The following NYX variants were observed in gnomAD, a reference collection of about 807,000 sequenced individuals.
NYX encodes nyctalopin.
For missense variants in NYX, 481 were observed against 485.4 expected (o/e 0.99, Z 0.09); for synonymous variants, 258 against 245.7 (o/e 1.05, Z -0.47).
chrX:41,454,900 C>T (rs1184769955), intron 2 of NYX, among the ~76,000 whole-genome samples: 6 of 111,286 alleles, frequency 5.4e-5, no homozygotes, highest in African/African-American at 2.0e-4. Flanking sequence ...AGCCACTGCA[C>T]CTGGCCTCCA....
chrX:41,461,503 G>A (rs2064319850), intron 2 of NYX, among the ~76,000 whole-genome samples: 1 of 109,647 alleles, frequency 9.1e-6, no homozygotes, highest in Admixed American at 1.0e-4. Flanking sequence ...GTGCGTGCAA[G>A]GATCTTTTTC....
At chrX:41,470,824 C>T (rs1047947979) in intron 2 of NYX, among the ~76,000 whole-genome samples, 5 of 111,001 alleles carry the variant, frequency 4.5e-5, no homozygotes, top group African/African-American at 1.6e-4. Context: ...CAGTAGCCCA[C>T]GGGGCTAGTG....
intron 2 of NYX, among the ~76,000 whole-genome samples, chrX:41,469,062 G>A: frequency 9.0e-6 from 1 of 111,541 alleles, no homozygotes. Flanking sequence ...TTACAACTGA[G>A]GGGCTGTTCA....
At chrX:41,465,531 CTT>C (rs767156393) in intron 2 of NYX, among the ~76,000 whole-genome samples, 11 of 91,952 alleles carry the variant, frequency 1.2e-4, no homozygotes, top group Admixed American at 1.2e-4. Flanking sequence ...ACCTTGAACT[CTT>C]TTTTTTTTTT....
intron 2 of NYX, among the ~76,000 whole-genome samples, chrX:41,452,731 C>G (rs2064285291): frequency 1.8e-5 from 2 of 111,182 alleles, no homozygotes; most frequent in South Asian, 7.5e-4. Context: ...TACCAGCACA[C>G]CACCCCTCTG....
intron 2 of NYX, among the ~76,000 whole-genome samples, chrX:41,457,199 G>A (rs769410628): frequency 1.2e-4 from 13 of 109,191 alleles, no homozygotes; most frequent in East Asian, 5.8e-4. Flanking sequence ...CCAGCTACTC[G>A]GGAGGCTGAG....
chrX:41,475,189 T>G lies in NYX; in HGVS notation c.*290T>G. The G allele has an allele frequency of 2.7e-6, 1 of 370,484 alleles. No individual in the cohort carries two copies. The highest frequency in any genetic ancestry group is 4.7e-5 in the East Asian group (1 of 21,133). 30.5% of individuals were successfully genotyped at this position (370,484 alleles called of 1,213,427 possible). ...GGAAGCTTCTAGGGCTTCACATCCC[T>G]TCCCCTCCCCTCCCCTTCCCCTCAT... On this transcript the variant is annotated 3_prime_UTR_variant, in exon 3 of 3. Transcript: ENST00000378220.
In NYX at chrX:41,473,896, T is replaced by G; in HGVS notation, c.428T>G (p.Phe143Cys). 8.9e-7 allele frequency: 1 copy of G among 1,129,422 alleles called. No individual in the cohort carries two copies. The highest frequency in any genetic ancestry group is 2.0e-5 in the South Asian group (1 of 50,717). The allele number at this position is 1,129,422 out of a possible 1,213,427, so 93.1% of individuals were successfully genotyped here. A position where few individuals can be genotyped will look rare whatever the true frequency, so the allele number is the denominator to read the frequency against. The change falls in exon 3 of 3, where the codon TTC becomes TGC. Residue 143 changes from phenylalanine (F) to cysteine (C), a missense_variant. Coordinates refer to ENST00000378220, the MANE Select transcript of NYX (RefSeq NM_001378477.3). The part of the protein sequence containing the change: ...RRLDLAACRL[F>C]SVPERLLAEL... Reference sequence around the variant, plus strand: ...CTAGACCTAGCAGCCTGCCGCCTCTTCAGCGTGCCCGAGCGCCTCCTGGCC... The same window carrying G: ...CTAGACCTAGCAGCCTGCCGCCTCTGCAGCGTGCCCGAGCGCCTCCTGGCC...
At chrX:41,458,983 T>C (rs1323391369) in intron 2 of NYX, among the ~76,000 whole-genome samples, 7 of 109,042 alleles carry the variant, frequency 6.4e-5, no homozygotes, top group African/African-American at 2.0e-4. Context: ...CTTGGGAGGC[T>C]GAGGCAGGAG....
At chrX:41,470,727 A>G (rs937202087) in intron 2 of NYX, among the ~76,000 whole-genome samples, 1 of 107,398 alleles carries the variant, frequency 9.3e-6, no homozygotes, top group Non-Finnish European at 1.9e-5. Context: ...TTGATGCAGT[A>G]TTTTACTCTT....
At chrX:41,450,111 A>G (rs2064273395) in intron 2 of NYX, among the ~76,000 whole-genome samples, 1 of 111,718 alleles carries the variant, frequency 9.0e-6, no homozygotes, top group Non-Finnish European at 1.9e-5. Context: ...TCTCAGATGC[A>G]TAAGTGCAAA....
In NYX at chrX:41,475,398, C is replaced by T; in HGVS notation, c.*499C>T. ...CTAGGATTCAGGAAGGTAGGCAGGACGTGAGAGAAGGGAGATGGGAGAGAG... is the reference window on the plus strand; with the variant it reads ...CTAGGATTCAGGAAGGTAGGCAGGATGTGAGAGAAGGGAGATGGGAGAGAG... On this transcript the variant is annotated 3_prime_UTR_variant, in exon 3 of 3. Coordinates refer to ENST00000378220, the MANE Select transcript of NYX (RefSeq NM_001378477.3). 1 of 129,221 alleles carries T rather than the reference C, an allele frequency of 7.7e-6. No individual in the cohort carries two copies. Among genetic ancestry groups the T allele is most frequent in the Non-Finnish European group, 1.6e-5 (1 of 63,818 alleles). 10.6% of individuals were successfully genotyped at this position (129,221 alleles called of 1,213,427 possible). A position where few individuals can be genotyped will look rare whatever the true frequency, so the allele number is the denominator to read the frequency against.
In NYX at chrX:41,471,382, GATTA is replaced by G. The variant is rs773811225; in HGVS notation, c.23-2108_23-2105del. The stretch of plus-strand genomic sequence containing the variant: ...CCACCTCGGCCTCTCGAAGTGTTGG[GATTA>G]CAGGCGTGAGCCACCGCACCTGGCC... On this transcript the variant is annotated intron_variant, in intron 2 of 2. Transcript: ENST00000378220. 6.5e-3 allele frequency among the ~76,000 whole-genome samples: 726 copies of G among 112,055 alleles called. 5 individuals are homozygous for G. Among genetic ancestry groups the G allele is most frequent in the African/African-American group, 0.023 (708 of 30,870 alleles).
At chrX:41,469,075 G>C (rs2064350410) in intron 2 of NYX, among the ~76,000 whole-genome samples, 1 of 111,607 alleles carries the variant, frequency 9.0e-6, no homozygotes, top group Non-Finnish European at 1.9e-5. Context: ...GCTGTTCAAA[G>C]GCCTGAGTGC....
Position 41,473,502 on chromosome X carries a change from G to C in NYX, c.34G>C (p.Gly12Arg), listed in dbSNP as rs769075010. 1.0e-6 allele frequency: 1 copy of C among 982,004 alleles called. No homozygotes were observed. Among genetic ancestry groups the C allele is most frequent in the Non-Finnish European group, 1.3e-6 (1 of 781,770 alleles). The allele number at this position is 982,004 out of a possible 1,213,427, so 80.9% of individuals were successfully genotyped here. A position where few individuals can be genotyped will look rare whatever the true frequency, so the allele number is the denominator to read the frequency against. The part of the protein sequence containing the change: ...LVLLLHAVVL[G>R]LPSAWAVGAC... ...CCCTGTCCCCGCAGCGGTGGTCCTC[G>C]GCCTGCCCAGCGCCTGGGCCGTGGG... is the stretch of plus-strand genomic sequence containing the variant. Residue 12 changes from glycine to arginine, a missense_variant, in exon 3 of 3, where the codon GGC (glycine) becomes CGC (arginine). Physicochemically the swap from Gly to Arg is moderately radical, Grantham distance 125 (BLOSUM62 -2). Coordinates refer to ENST00000378220, the MANE Select transcript of NYX (RefSeq NM_001378477.3).
At chrX:41,472,409 A>G in intron 2 of NYX, 2 of 1,158,935 alleles carry the variant, frequency 1.7e-6, no homozygotes, top group Non-Finnish European at 1.2e-6. Context: ...ACCCTCGTGC[A>G]ATGTGAAGCT....
chrX:41,464,570 A>G (rs2064331723), intron 2 of NYX, among the ~76,000 whole-genome samples: 1 of 111,581 alleles, frequency 9.0e-6, no homozygotes, highest in African/African-American at 3.3e-5. Context: ...CATTCAGACC[A>G]TAACTGTGAT....
At chrX:41,467,449 G>A (rs1383564910) in intron 2 of NYX, among the ~76,000 whole-genome samples, 2 of 110,316 alleles carry the variant, frequency 1.8e-5, no homozygotes, top group East Asian at 5.6e-4. Context: ...TGCCTCCCGG[G>A]TTCAAGCGAT....
In NYX at chrX:41,474,275, C is replaced by T; in HGVS notation, c.807C>T (p.Phe269=). The change falls in exon 3 of 3, where the codon TTC becomes TTT. Residue 269 remains phenylalanine, a synonymous_variant. Coordinates refer to ENST00000378220, the MANE Select transcript of NYX (RefSeq NM_001378477.3). ...NALDRVARAW[F]ADLAELELLY... ...TGGACCGCGTGGCGCGCGCCTGGTT[C>T]GCTGACCTGGCCGAGCTCGAGCTGC... 3 of 1,206,307 alleles carry T rather than the reference C, an allele frequency of 2.5e-6. No individual in the cohort carries two copies. Among genetic ancestry groups the T allele is most frequent in the Non-Finnish European group, 3.4e-6 (3 of 895,263 alleles).
Sources: allele counts gnomAD v4.1 joint callset (sites outside exome capture counted in the v4.1 genomes callset), GRCh38; gene constraint gnomAD v4.1.1; transcripts MANE v1.5; gene names NCBI Gene and HGNC (gene_info 2026-07-23, HGNC 2026-07-21).